KALRN: variants seen among roughly 807,000 people sequenced by gnomAD.
The protein encoded by KALRN is kalirin.
A neutral mutation model predicts 353.7 loss-of-function variants in KALRN; 70 were observed. The ratio of observed to expected loss-of-function variants is 0.20; its 90% CI spans 0.16 to 0.24. The LOEUF is 0.24. Among genes scored for constraint, KALRN ranks in the 10% least tolerant of loss-of-function variants. The pLI, the probability that KALRN is intolerant of heterozygous loss-of-function variation, is 1.00. For missense variants in KALRN, 2,791 were observed against 3,756.7 expected (o/e 0.74, Z 6.72); for synonymous variants, 1,391 against 1,434.8 (o/e 0.97, Z 0.69).
chr3:124,567,931 C>T (rs931165066), intron 34 of KALRN, among the ~76,000 whole-genome samples: 4 of 151,958 alleles, frequency 2.6e-5, no homozygotes, highest in Non-Finnish European at 4.4e-5. Context: ...GCTGTGTTCA[C>T]GCCACTGCAC....
intron 32 of KALRN, 100 bp from the exon 33 acceptor site, chr3:124,496,211 A>G: frequency 1.3e-6 from 1 of 786,148 alleles, no homozygotes; most frequent in Non-Finnish European, 2.2e-6. Context: ...GAAAGTGCTG[A>G]GGCGCTGCTC....
At chr3:124,621,042 G>A (rs1578403144) in intron 34 of KALRN, among the ~76,000 whole-genome samples, 1 of 152,210 alleles carries the variant, frequency 6.6e-6, no homozygotes, top group East Asian at 1.9e-4. Flanking sequence ...CAGAGGTGCT[G>A]ACTTTTGAGT....
At chr3:124,568,958 T>G (rs1041774418) in intron 34 of KALRN, among the ~76,000 whole-genome samples, 3 of 152,194 alleles carry the variant, frequency 2.0e-5, no homozygotes, top group African/African-American at 7.2e-5. Context: ...CACTGAACTG[T>G]ACACTTAAAA....
intron 34 of KALRN, among the ~76,000 whole-genome samples, chr3:124,602,954 G>GTTATT (rs10678143): frequency 0.18 from 6,721 of 38,174 alleles, 187 homozygotes; most frequent in Middle Eastern, 0.32. Flanking sequence ...TTTTTTTGTT[G>GTTATT]TTGTTTTGTT....
chr3:124,716,770 C>T, intron 58 of KALRN, among the ~76,000 whole-genome samples: 1 of 152,186 alleles, frequency 6.6e-6, no homozygotes, highest in Non-Finnish European at 1.5e-5. Context: ...TGTGCCACAG[C>T]ATTCCAGCCT....
intron 10 of KALRN, 154 bp from the exon 11 acceptor site, chr3:124,384,691 G>A: frequency 3.2e-6 from 2 of 623,546 alleles, no homozygotes; most frequent in Non-Finnish European, 2.7e-6. Flanking sequence ...GCTGAGAGGC[G>A]GCGTGCCAGC....
intron 3 of KALRN, among the ~76,000 whole-genome samples, chr3:124,251,041 A>G (rs1399620020): frequency 3.3e-5 from 5 of 152,192 alleles, no homozygotes; most frequent in Admixed American, 2.0e-4. Flanking sequence ...TCTCTTGGCT[A>G]AGAGTAGCTC....
At chr3:124,584,059 AT>A (rs796275172) in intron 34 of KALRN, among the ~76,000 whole-genome samples, 111 of 150,140 alleles carry the variant, frequency 7.4e-4, no homozygotes, top group Admixed American at 4.7e-3. Context: ...ATTCTTTTAC[AT>A]TTTTTTTTTA....
At chr3:124,270,178 T>C (rs995495764) in intron 5 of KALRN, among the ~76,000 whole-genome samples, 1 of 152,230 alleles carries the variant, frequency 6.6e-6, no homozygotes, top group Non-Finnish European at 1.5e-5. Context: ...TCCTATGAGT[T>C]TTCTGGATAT....
Position 124,702,102 on chromosome 3 carries a change from G to C in KALRN, c.8061G>C (p.Leu2687=). Residue 2687 remains leucine, a synonymous_variant, in exon 57 of 60, where the codon CTG becomes CTC. Transcript: ENST00000682506. ...ATTTTGACTCAGCTTACACTGAGCT[G>C]AATGAAATTGGAAGGTAATGACACA... ...KENFDSAYTE[L]NEIGRGRFSI... 1.2e-6 allele frequency: 2 copies of C among 1,611,906 alleles called. No individual in the cohort carries two copies. Among genetic ancestry groups the C allele is most frequent in the Non-Finnish European group, 1.7e-6 (2 of 1,178,336 alleles).
chr3:124,154,419 G>C (rs1478619588), intron 1 of KALRN, among the ~76,000 whole-genome samples: 1 of 152,106 alleles, frequency 6.6e-6, no homozygotes, highest in African/African-American at 2.4e-5. Context: ...AAAGTCTCAG[G>C]ATACAAAATC....
intron 1 of KALRN, among the ~76,000 whole-genome samples, chr3:124,109,259 A>G (rs569387511): frequency 6.6e-6 from 1 of 151,820 alleles, no homozygotes; most frequent in Admixed American, 6.6e-5. Flanking sequence ...CTCGTTGTAT[A>G]GTCTATATTT....
At chr3:124,410,422 G>C in intron 13 of KALRN, 1 of 369,252 alleles carries the variant, frequency 2.7e-6, no homozygotes, top group South Asian at 2.1e-5. Context: ...TTGTGATTTG[G>C]GCTATTTTAC....
chr3:124,389,112 G>C (rs2088920537), intron 11 of KALRN, among the ~76,000 whole-genome samples: 1 of 152,106 alleles, frequency 6.6e-6, no homozygotes, highest in African/African-American at 2.4e-5. Flanking sequence ...AATCATTTCT[G>C]CCTCATTATG....
At chr3:124,454,496 C>T (rs964521636) in intron 21 of KALRN, among the ~76,000 whole-genome samples, 1 of 152,190 alleles carries the variant, frequency 6.6e-6, no homozygotes. Flanking sequence ...GAGATTCTTA[C>T]ATCAGTAATA....
intron 31 of KALRN, 134 bp downstream of exon 31, chr3:124,491,558 G>T (rs190629279): frequency 9.5e-6 from 5 of 527,966 alleles, no homozygotes; most frequent in Non-Finnish European, 1.6e-5. Flanking sequence ...GCAGCATCAC[G>T]TGGGCATTGA....
At chr3:124,529,668 A>G (rs2067877493) in intron 33 of KALRN, among the ~76,000 whole-genome samples, 1 of 152,096 alleles carries the variant, frequency 6.6e-6, no homozygotes, top group Non-Finnish European at 1.5e-5. Flanking sequence ...CAATTCAAAT[A>G]ATTCTGATAA....
At chr3:124,698,356 A>T (rs1461399595) in intron 55 of KALRN, among the ~76,000 whole-genome samples, 1 of 152,220 alleles carries the variant, frequency 6.6e-6, no homozygotes, top group Non-Finnish European at 1.5e-5. Flanking sequence ...CTCATCTTTC[A>T]GAAGTTGTTC....
intron 34 of KALRN, among the ~76,000 whole-genome samples, chr3:124,599,329 A>C (rs1214450418): frequency 1.3e-5 from 2 of 152,152 alleles, no homozygotes; most frequent in East Asian, 3.9e-4. Flanking sequence ...TCTTTGGTCT[A>C]TAAGAACCTC....
Sources: allele counts gnomAD v4.1 joint callset (sites outside exome capture counted in the v4.1 genomes callset), GRCh38; gene constraint gnomAD v4.1.1; transcripts MANE v1.5; gene names NCBI Gene and HGNC (gene_info 2026-07-23, HGNC 2026-07-21).